The following SYNE2 variants were observed in gnomAD, a reference collection of about 807,000 sequenced individuals.
The protein encoded by SYNE2 is nesprin-2.
SYNE2 carries 431 observed loss-of-function variants against 856.3 expected under a neutral mutation model. That is an observed-to-expected ratio of 0.50 (90% CI 0.47 to 0.55). The LOEUF (loss-of-function observed/expected upper bound fraction) is 0.55, where lower values mean the gene tolerates loss of function less well. Among genes scored for constraint, SYNE2 ranks in the 20% least tolerant of loss-of-function variants. The pLI is 0.00. For missense variants in SYNE2, 8,129 were observed against 8,023.2 expected (o/e 1.01, Z -0.50); for synonymous variants, 2,923 against 2,872.3 (o/e 1.02, Z -0.56).
chr14:64,217,826 C>A (rs1596295498), intron 108 of SYNE2, among the ~76,000 whole-genome samples: 1 of 152,106 alleles, frequency 6.6e-6, no homozygotes, highest in African/African-American at 2.4e-5. Context: ...CTAAAAGGGA[C>A]ACATTTATTT....
rs547101639 is a variant in SYNE2 at position 64,225,520 on chromosome 14, C to G, written c.20718C>G (p.Pro6906=). The change falls in exon 116 of 116, where the codon CCC becomes CCG. Residue 6906 remains proline, a synonymous_variant. Transcript: ENST00000555002. The stretch of plus-strand genomic sequence containing the variant: ...TGAGGTACACCAATGGGCCACCCCC[C>G]ACATAGAGGGCATAGCTGGCCACAG... The part of the protein sequence containing the change: ...PMLRYTNGPP[P]T The G allele has an allele frequency of 2.2e-5, 36 of 1,613,866 alleles. 1 individual carries two copies. The South Asian group carries it at 3.5e-4, about 16-fold the overall frequency.
chr14:64,180,567 C>T (rs1428603856), intron 96 of SYNE2, among the ~76,000 whole-genome samples: 4 of 151,466 alleles, frequency 2.6e-5, no homozygotes, highest in South Asian at 2.1e-4. Flanking sequence ...TGCAGTGGCA[C>T]GATCTTGGCT....
intron 97 of SYNE2, among the ~76,000 whole-genome samples, chr14:64,187,323 A>C (rs907371427): frequency 5.3e-5 from 8 of 152,212 alleles, no homozygotes; most frequent in Non-Finnish European, 1.2e-4. Context: ...CCTTGATTTT[A>C]GTATTTAATA....
At chr14:64,080,330 T>A in intron 55 of SYNE2, 126 bp from the exon 56 acceptor site, 1 of 979,116 alleles carries the variant, frequency 1.0e-6, no homozygotes, top group Non-Finnish European at 1.6e-6. Context: ...TAACAACTGT[T>A]CATGTGATGT....
At chr14:63,871,397 G>A (rs1345673825) in intron 1 of SYNE2, among the ~76,000 whole-genome samples, 1 of 151,708 alleles carries the variant, frequency 6.6e-6, no homozygotes, top group African/African-American at 2.4e-5. Flanking sequence ...TAGTAGAGAC[G>A]GGGTTTCTCC....
At chr14:64,169,244 T>A (rs2098398619) in intron 93 of SYNE2, among the ~76,000 whole-genome samples, 1 of 152,250 alleles carries the variant, frequency 6.6e-6, no homozygotes, top group Non-Finnish European at 1.5e-5. Flanking sequence ...TCAAGTATAG[T>A]TAACTAAGTT....
At position 64,225,688 on chromosome 14, in the gene SYNE2, G is replaced by A. The variant is rs1945173896; in HGVS notation, c.*162G>A. 3.8e-6 allele frequency: 3 copies of A among 794,638 alleles called. No homozygotes were observed. The South Asian group carries it at 4.5e-5, about 12-fold the overall frequency. 49.2% of individuals were successfully genotyped at this position (794,638 alleles called of 1,614,324 possible). Reference sequence around the variant, plus strand: ...CACGGGCTCCCTGGAGCCCAGGGCAGCTTTCAGATTGTGTTCCTCCCCAGG... The same window carrying A: ...CACGGGCTCCCTGGAGCCCAGGGCAACTTTCAGATTGTGTTCCTCCCCAGG... On this transcript the variant is annotated 3_prime_UTR_variant, in exon 116 of 116. Transcript: ENST00000555002.
chr14:64,107,172 A>G (rs375896166), intron 64 of SYNE2, among the ~76,000 whole-genome samples: 69 of 152,316 alleles, frequency 4.5e-4, no homozygotes, highest in African/African-American at 1.4e-3. Context: ...TTAAATTTTC[A>G]TAAGGACATA....
intron 41 of SYNE2, among the ~76,000 whole-genome samples, chr14:64,025,631 G>A (rs2096971766): frequency 6.6e-6 from 1 of 152,224 alleles, no homozygotes; most frequent in Non-Finnish European, 1.5e-5. Flanking sequence ...AGCATGTCCT[G>A]TCTTAGAGAG....
rs1567023881 is a variant in SYNE2, at chr14:64,003,147, C to CT, written c.4219dup (p.Ser1407PhefsTer6). Reference sequence around the variant, plus strand: ...ACCTCCTGTGAAAACCTGCTTGATGCTTTTTCAATAAAGTTATCTGAGACA... The same window carrying CT: ...ACCTCCTGTGAAAACCTGCTTGATGCTTTTTTCAATAAAGTTATCTGAGACA... On this transcript the variant is annotated frameshift_variant, in exon 30 of 116. Transcript: ENST00000555002. LOFTEE classifies it high-confidence loss of function. The CT allele has an allele frequency of 2.5e-6, 4 of 1,614,098 alleles. No homozygotes were observed. The Admixed American group carries it at 6.7e-5, about 27-fold the overall frequency.
At chr14:63,797,319 A>G (rs4899119) in intron 1 of SYNE2, among the ~76,000 whole-genome samples, 79,250 of 150,060 alleles carry the variant, frequency 0.53, 21,712 homozygotes, top group South Asian at 0.65. Flanking sequence ...TGAACCCAGG[A>G]GGCGGAGGTT....
intron 110 of SYNE2, among the ~76,000 whole-genome samples, chr14:64,220,096 C>T (rs143845568): frequency 1.3e-5 from 2 of 152,304 alleles, no homozygotes; most frequent in South Asian, 2.1e-4. Context: ...ACATTTCTGG[C>T]ATTTCTAGGA....
At chr14:63,932,330 C>T (rs1343312382) in intron 2 of SYNE2, among the ~76,000 whole-genome samples, 1 of 152,046 alleles carries the variant, frequency 6.6e-6, no homozygotes, top group Non-Finnish European at 1.5e-5. Context: ...TGCAGTGAGC[C>T]GAGATCGTGC....
At chr14:64,194,423 G>A (rs977645128) in intron 99 of SYNE2, among the ~76,000 whole-genome samples, 1 of 152,036 alleles carries the variant, frequency 6.6e-6, no homozygotes, top group African/African-American at 2.4e-5. Flanking sequence ...CTCCCAGGTA[G>A]CTGGGACTAC....
chr14:63,909,249 T>TCCCCGTCTGGG, intron 2 of SYNE2, 22 bp downstream of exon 2: 1 of 1,548,068 alleles, frequency 6.5e-7, no homozygotes, highest in Non-Finnish European at 8.9e-7. Context: ...TGGGTGGGGG[T>TCCCCGTCTGGG]AACACCCACA....
chr14:64,174,463 A>G (rs2098424750), intron 94 of SYNE2, among the ~76,000 whole-genome samples: 1 of 152,242 alleles, frequency 6.6e-6, no homozygotes, highest in African/African-American at 2.4e-5. Flanking sequence ...TGGGGCACAC[A>G]TCAATGTACA....
rs1475064718 is a variant in SYNE2 at position 63,909,200 on chromosome 14, A to C, written c.52A>C (p.Ile18Leu). Reference protein sequence around the residue: ...PTEDEQGSWGIDDLHISLQAE... With the variant: ...PTEDEQGSWGLDDLHISLQAE... ...CGAAGATGAACAGGGTTCCTGGGGC[A>C]TCGACGATCTCCATATTTCATTGCA... Residue 18 changes from isoleucine (I) to leucine (L), a missense_variant, in exon 2 of 116, where the codon ATC (isoleucine) becomes CTC (leucine). Coordinates refer to ENST00000555002, the MANE Select transcript of SYNE2 (RefSeq NM_182914.3). 1 of 1,613,310 alleles carries C rather than the reference A, an allele frequency of 6.2e-7. No homozygotes were observed. Among genetic ancestry groups the C allele is most frequent in the East Asian group, 2.2e-5 (1 of 44,858 alleles).
intron 80 of SYNE2, among the ~76,000 whole-genome samples, chr14:64,140,823 T>C (rs2098133188): frequency 6.6e-6 from 1 of 152,118 alleles, no homozygotes; most frequent in African/African-American, 2.4e-5. Context: ...TGTATTACTC[T>C]TGTAATATAA....
intron 1 of SYNE2, chr14:63,864,604 A>G (rs987353675): frequency 8.5e-5 from 13 of 152,232 alleles, no homozygotes; most frequent in Admixed American, 2.0e-4. Flanking sequence ...TTTAGGTTAT[A>G]TATGGCTGCT....
Sources: allele counts gnomAD v4.1 joint callset (sites outside exome capture counted in the v4.1 genomes callset), GRCh38; gene constraint gnomAD v4.1.1; transcripts MANE v1.5; gene names NCBI Gene and HGNC (gene_info 2026-07-23, HGNC 2026-07-21).